The following NRXN3 variants were observed in gnomAD, a reference collection of about 807,000 sequenced individuals.
NRXN3 encodes neurexin III.
A neutral mutation model predicts 137.6 loss-of-function variants in NRXN3; 32 were observed. That is an observed-to-expected ratio of 0.23 (90% CI 0.18 to 0.31). The LOEUF is 0.31. Ranked by LOEUF, NRXN3 falls within the 10% of genes least tolerant of loss-of-function variation. The pLI is 1.00. For synonymous variants in NRXN3, 798 were observed against 784.5 expected (o/e 1.02, Z -0.29); for missense variants, 1,574 against 2,062.5 (o/e 0.76, Z 4.59).
chr14:78,958,819 C>T (rs533668376), intron 11 of NRXN3, among the ~76,000 whole-genome samples: 11 of 152,252 alleles, frequency 7.2e-5, no homozygotes, highest in East Asian at 1.9e-4. Context: ...ACTTGCAGGA[C>T]GTTAGGAAAG....
In NRXN3 at chr14:78,459,061, A is replaced by G. The variant is rs1215696980; in HGVS notation, c.757+161201A>G. ...AGTAATCTTTTCCTTCTTGTGTTCT[A>G]TACTTCAAATTCTGCGTTTATTCAG... On this transcript the variant is annotated intron_variant, in intron 4 of 20. Coordinates refer to ENST00000335750, the MANE Select transcript of NRXN3 (RefSeq NM_001330195.2). Among the ~76,000 whole-genome samples the G allele has an allele frequency of 2.0e-5, 3 of 152,190 alleles. No homozygotes were observed. The South Asian group carries it at 6.2e-4, about 32-fold the overall frequency.
At chr14:78,436,732 T>C (rs2153692471) in intron 4 of NRXN3, among the ~76,000 whole-genome samples, 1 of 152,336 alleles carries the variant, frequency 6.6e-6, no homozygotes, top group Admixed American at 6.5e-5. Flanking sequence ...CACAGTTAGT[T>C]AGAGTCTGCT....
intron 15 of NRXN3, among the ~76,000 whole-genome samples, chr14:79,129,136 A>C (rs1237198796): frequency 1.3e-5 from 2 of 151,870 alleles, no homozygotes; most frequent in Non-Finnish European, 2.9e-5. Flanking sequence ...GAGCTCCTGG[A>C]TTCATTAATT....
At chr14:78,223,677 A>G (rs1347827158) in intron 1 of NRXN3, among the ~76,000 whole-genome samples, 1 of 152,114 alleles carries the variant, frequency 6.6e-6, no homozygotes, top group Non-Finnish European at 1.5e-5. Flanking sequence ...GAGGATTTGA[A>G]GCATCCAAGA....
At chr14:78,422,671 T>G (rs1195357845) in intron 4 of NRXN3, among the ~76,000 whole-genome samples, 2 of 152,252 alleles carry the variant, frequency 1.3e-5, no homozygotes, top group African/African-American at 4.8e-5. Context: ...GCAGACCATG[T>G]GCCCAGCACA....
At chr14:79,096,059 C>T (rs888301611) in intron 15 of NRXN3, among the ~76,000 whole-genome samples, 1 of 151,554 alleles carries the variant, frequency 6.6e-6, no homozygotes, top group Non-Finnish European at 1.5e-5. Flanking sequence ...TCCTGAGGCC[C>T]CTCCTCCTTC....
At chr14:79,609,151 G>A (rs192495820) in intron 16 of NRXN3, among the ~76,000 whole-genome samples, 36 of 152,018 alleles carry the variant, frequency 2.4e-4, no homozygotes, top group Admixed American at 4.6e-4. Context: ...TGGTGAGTTC[G>A]CGTGAGAAAG....
chr14:79,594,780 G>A (rs1051401258), intron 16 of NRXN3, among the ~76,000 whole-genome samples: 3 of 152,114 alleles, frequency 2.0e-5, no homozygotes, highest in Middle Eastern at 3.4e-3. Context: ...CAGTCCTCGG[G>A]GGTTTGCATA....
chr14:79,575,401 A>G (rs7148240), intron 16 of NRXN3, among the ~76,000 whole-genome samples: 24,058 of 152,076 alleles, frequency 0.16, 2,376 homozygotes, highest in African/African-American at 0.28. Flanking sequence ...AGGGAGAGTG[A>G]ATTCAGGGGA....
rs1226566556 is a variant in NRXN3, at chr14:78,948,394, T to C, written c.2276-8848T>C. Among the ~76,000 whole-genome samples the C allele has an allele frequency of 2.0e-5, 3 of 152,308 alleles. No individual in the cohort carries two copies. The East Asian group carries it at 5.8e-4, about 29-fold the overall frequency. On this transcript the variant is annotated intron_variant, in intron 10 of 20. Transcript: ENST00000335750. The stretch of plus-strand genomic sequence containing the variant: ...CTCCCATTTCTTGGTTGCTCTTTCT[T>C]GCAGGCAGGGCAGGCACCCTAGCTT...
At chr14:79,790,050 T>C (rs2099140383) in intron 19 of NRXN3, among the ~76,000 whole-genome samples, 1 of 152,230 alleles carries the variant, frequency 6.6e-6, no homozygotes, top group African/African-American at 2.4e-5. Flanking sequence ...TGCTGACTGC[T>C]CATGTTTCCA....
In NRXN3 at chr14:78,407,825, C is replaced by A. The variant is rs545255085; in HGVS notation, c.757+109965C>A. The stretch of plus-strand genomic sequence containing the variant: ...ATCCAAATTCCTCTTAAACCCACAC[C>A]ATCTTGTTCATCCCCATGTTCCAGT... On this transcript the variant is annotated intron_variant, in intron 4 of 20. Transcript: ENST00000335750. Among the ~76,000 whole-genome samples, 5 of 152,282 alleles carry A rather than the reference C, an allele frequency of 3.3e-5. No homozygotes were observed. The South Asian group carries it at 1.0e-3, about 32-fold the overall frequency.
At chr14:78,308,535 T>C (rs1297047025) in intron 4 of NRXN3, among the ~76,000 whole-genome samples, 1 of 152,110 alleles carries the variant, frequency 6.6e-6, no homozygotes, top group Non-Finnish European at 1.5e-5. Flanking sequence ...AAACGAATGA[T>C]GTGCAAGTGG....
At chr14:78,365,458 G>GA (rs1238112889) in intron 4 of NRXN3, among the ~76,000 whole-genome samples, 1 of 152,088 alleles carries the variant, frequency 6.6e-6, no homozygotes, top group African/African-American at 2.4e-5. Flanking sequence ...GCTGACAAAT[G>GA]AAAAAACAGA....
Position 78,751,135 on chromosome 14 carries a change from C to A in NRXN3, c.2044+35996C>A, listed in dbSNP as rs371718308. ...AGCTATGCTCAAGCCTTTTTCCCCCCACTATATTCTTTACAATTTCACAGT... is the reference window on the plus strand; with the variant it reads ...AGCTATGCTCAAGCCTTTTTCCCCCAACTATATTCTTTACAATTTCACAGT... On this transcript the variant is annotated intron_variant, in intron 8 of 20. Coordinates refer to ENST00000335750, the MANE Select transcript of NRXN3 (RefSeq NM_001330195.2). Among the ~76,000 whole-genome samples, 21 of 152,192 alleles carry A rather than the reference C, an allele frequency of 1.4e-4. No individual in the cohort carries two copies. In the South Asian group the frequency reaches 3.7e-3, roughly 27 times the overall value.
At chr14:79,734,674 C>T (rs2098935933) in intron 19 of NRXN3, among the ~76,000 whole-genome samples, 1 of 151,946 alleles carries the variant, frequency 6.6e-6, no homozygotes, top group African/African-American at 2.4e-5. Context: ...TGATTATTTT[C>T]ATTTTTTGAA....
At chr14:79,163,322 C>G (rs900989213) in intron 15 of NRXN3, among the ~76,000 whole-genome samples, 5 of 151,864 alleles carry the variant, frequency 3.3e-5, no homozygotes, top group African/African-American at 1.2e-4. Context: ...GTGAATAAGG[C>G]TTTTCTAGGA....
intron 20 of NRXN3, among the ~76,000 whole-genome samples, chr14:79,818,451 G>A (rs1370996910): frequency 1.3e-5 from 2 of 152,292 alleles, no homozygotes. Context: ...TCTAAGGATA[G>A]AGGCTCTTAG....
chr14:78,320,630 C>T (rs1025006294), intron 4 of NRXN3, among the ~76,000 whole-genome samples: 3 of 152,170 alleles, frequency 2.0e-5, no homozygotes, highest in African/African-American at 4.8e-5. Flanking sequence ...GTAGATCTGA[C>T]GGGAGACCTA....
Sources: gnomAD v4.1 joint callset for allele counts (sites outside exome capture counted in the v4.1 genomes callset) on GRCh38, gnomAD v4.1.1 for gene constraint, MANE v1.5 for transcripts, NCBI Gene and HGNC (gene_info 2026-07-23, HGNC 2026-07-21) for gene names.